Variants in AGBL4 observed in about 807,000 individuals in gnomAD.
AGBL4 encodes the protein cytosolic carboxypeptidase 6.
Under a neutral mutation model 66.4 loss-of-function variants are expected in AGBL4, and 58 were observed. The ratio of observed to expected loss-of-function variants is 0.87; its 90% CI spans 0.71 to 1.09. The LOEUF is 1.09. AGBL4 is among the 50% of genes least tolerant of loss of function. The pLI is 0.00. For missense variants in AGBL4, 579 were observed against 631.0 expected (o/e 0.92, Z 0.88); for synonymous variants, 234 against 222.9 (o/e 1.05, Z -0.44).
At chr1:49,584,053 A>T (rs1320054696) in intron 3 of AGBL4, among the ~76,000 whole-genome samples, 1 of 151,954 alleles carries the variant, frequency 6.6e-6, no homozygotes, top group Non-Finnish European at 1.5e-5. Flanking sequence ...TTCTCCTTAT[A>T]TTATCTCCAT....
intron 1 of AGBL4, among the ~76,000 whole-genome samples, chr1:49,975,380 G>T (rs1658472267): frequency 6.6e-6 from 1 of 152,120 alleles, no homozygotes; most frequent in South Asian, 2.1e-4. Flanking sequence ...TTACCACTTT[G>T]CATAAATGGT....
intron 3 of AGBL4, among the ~76,000 whole-genome samples, chr1:49,321,395 T>C (rs1645130413): frequency 6.6e-6 from 1 of 152,164 alleles, no homozygotes; most frequent in Non-Finnish European, 1.5e-5. Flanking sequence ...TTTCTACTCA[T>C]CAAACTGATA....
At chr1:49,139,510 C>A (rs1020291846) in intron 4 of AGBL4, among the ~76,000 whole-genome samples, 1 of 152,102 alleles carries the variant, frequency 6.6e-6, no homozygotes, top group African/African-American at 2.4e-5. Context: ...GGCTGCTCAC[C>A]TTTAAGTCCA....
intron 5 of AGBL4, among the ~76,000 whole-genome samples, chr1:48,940,713 C>T (rs2148914759): frequency 6.6e-6 from 1 of 152,290 alleles, no homozygotes; most frequent in African/African-American, 2.4e-5. Flanking sequence ...CTCCTACCCT[C>T]AACGGTTATA....
chr1:48,726,427 C>T (rs1429337586), intron 6 of AGBL4, among the ~76,000 whole-genome samples: 1 of 152,168 alleles, frequency 6.6e-6, no homozygotes, highest in African/African-American at 2.4e-5. Flanking sequence ...CATATCTTAT[C>T]AAATATTTAT....
At chr1:48,603,601 T>G (rs569257849) in intron 9 of AGBL4, among the ~76,000 whole-genome samples, 2 of 152,226 alleles carry the variant, frequency 1.3e-5, no homozygotes, top group East Asian at 3.9e-4. Context: ...TAAGGAGTCA[T>G]GAATTTTCCC....
At position 49,470,736 on chromosome 1, in the gene AGBL4, C is replaced by T. The variant is rs144416281; in HGVS notation, c.283-224872G>A. 1.3e-3 allele frequency among the ~76,000 whole-genome samples: 202 copies of T among 152,156 alleles called. 1 individual carries two copies. Among genetic ancestry groups the T allele is most frequent in the Middle Eastern group, 6.8e-3 (2 of 294 alleles). On this transcript the variant is annotated intron_variant, in intron 3 of 13. Coordinates refer to ENST00000371839, the MANE Select transcript of AGBL4 (RefSeq NM_032785.4). ...GTTATCACCCTATTTCAATAAATTT[C>T]GGCATAATCTGCCCCTTAATTTGCA...
chr1:48,791,388 T>C (rs1374509999), intron 6 of AGBL4, among the ~76,000 whole-genome samples: 2 of 152,168 alleles, frequency 1.3e-5, no homozygotes, highest in East Asian at 3.9e-4. Flanking sequence ...AGTCTATCTA[T>C]AGTCCTGCTG....
intron 4 of AGBL4, among the ~76,000 whole-genome samples, chr1:49,148,446 G>A (rs978716274): frequency 5.9e-5 from 9 of 152,100 alleles, no homozygotes; most frequent in Non-Finnish European, 1.2e-4. Context: ...GGGGAGGTGG[G>A]AATTATTTCT....
chr1:49,168,977 A>G (rs1222672880), intron 4 of AGBL4, among the ~76,000 whole-genome samples: 2 of 152,204 alleles, frequency 1.3e-5, no homozygotes, highest in Non-Finnish European at 2.9e-5. Flanking sequence ...ATGGGAAATG[A>G]GAAAGACTGA....
chr1:48,760,795 C>T (rs1022745405), intron 6 of AGBL4, among the ~76,000 whole-genome samples: 3 of 152,156 alleles, frequency 2.0e-5, no homozygotes, highest in Non-Finnish European at 4.4e-5. Context: ...GCTAGCTTGC[C>T]GAACAAGATT....
chr1:49,293,070 C>T (rs1644573664), intron 3 of AGBL4, among the ~76,000 whole-genome samples: 1 of 152,216 alleles, frequency 6.6e-6, no homozygotes, highest in African/African-American at 2.4e-5. Flanking sequence ...CTCTTTGGGG[C>T]CCTGCAGTTC....
intron 3 of AGBL4, among the ~76,000 whole-genome samples, chr1:49,657,395 A>G (rs1042481164): frequency 1.7e-4 from 26 of 152,288 alleles, no homozygotes; most frequent in Non-Finnish European, 2.9e-4. Flanking sequence ...ATGCTCACGG[A>G]TAGGAAGAAT....
At chr1:48,637,190 A>G (rs190755126) in intron 8 of AGBL4, among the ~76,000 whole-genome samples, 13 of 152,280 alleles carry the variant, frequency 8.5e-5, no homozygotes, top group South Asian at 4.1e-4. Flanking sequence ...ATTGGTCTGT[A>G]TTATTATTTT....
chr1:48,853,917 T>C (rs1210772865), intron 6 of AGBL4, among the ~76,000 whole-genome samples: 1 of 152,124 alleles, frequency 6.6e-6, no homozygotes, highest in Non-Finnish European at 1.5e-5. Flanking sequence ...AGAACCAGCA[T>C]CCTCCCAGCT....
At chr1:48,703,973 A>G (rs1420879074) in intron 6 of AGBL4, among the ~76,000 whole-genome samples, 2 of 152,342 alleles carry the variant, frequency 1.3e-5, no homozygotes, top group African/African-American at 4.8e-5. Flanking sequence ...AACAGCACAG[A>G]GTGTACTTAC....
intron 1 of AGBL4, among the ~76,000 whole-genome samples, chr1:49,874,301 G>C (rs1220152379): frequency 6.6e-6 from 1 of 152,036 alleles, no homozygotes; most frequent in Non-Finnish European, 1.5e-5. Context: ...TCTAAGATGA[G>C]ATATAAAAAG....
At chr1:48,878,336 T>A (rs540532381) in intron 5 of AGBL4, among the ~76,000 whole-genome samples, 4 of 152,158 alleles carry the variant, frequency 2.6e-5, no homozygotes, top group Non-Finnish European at 5.9e-5. Context: ...AGGAGCTGTG[T>A]TTTCTGGCCC....
At chr1:49,738,815 C>A (rs1452722081) in intron 2 of AGBL4, among the ~76,000 whole-genome samples, 1 of 152,216 alleles carries the variant, frequency 6.6e-6, no homozygotes, top group Non-Finnish European at 1.5e-5. Flanking sequence ...GGACCTCTGG[C>A]AAATTCCAAC....
Sources: allele counts gnomAD v4.1 joint callset (sites outside exome capture counted in the v4.1 genomes callset), GRCh38; gene constraint gnomAD v4.1.1; transcripts MANE v1.5; gene names NCBI Gene and HGNC (gene_info 2026-07-23, HGNC 2026-07-21).